NFYB: variants seen among roughly 807,000 people sequenced by gnomAD.
NFYB encodes the protein CAAT box DNA-binding protein subunit B.
A neutral mutation model predicts 28.0 loss-of-function variants in NFYB; 13 were observed. That is an observed-to-expected ratio of 0.46 (90% CI 0.30 to 0.74). The LOEUF (loss-of-function observed/expected upper bound fraction) is 0.74. Among genes scored for constraint, NFYB ranks in the 30% least tolerant of loss-of-function variants. The pLI is 0.07. For missense variants in NFYB, 142 were observed against 247.6 expected (o/e 0.57, Z 2.86); for synonymous variants, 74 against 75.0 (o/e 0.99, Z 0.07).
In NFYB at chr12:104,128,465, T is replaced by C; in HGVS notation, c.59A>G (p.Asp20Gly). 6.2e-7 allele frequency: 1 copy of C among 1,612,882 alleles called. No individual in the cohort carries two copies. The highest frequency in any genetic ancestry group is 1.7e-4 in the Middle Eastern group (1 of 6,040). ...TDASQLGISA[D>G]YIGGSHYVIQ... ...AACATAATGACTTCCTCCAATATAG[T>C]CTGCAGAGATTCCTAGTTGAGAAGC... The change falls in exon 3 of 8, where the codon GAC (aspartate) becomes GGC (glycine). Residue 20 changes from aspartate to glycine, a missense_variant. Coordinates refer to ENST00000240055, the MANE Select transcript of NFYB (RefSeq NM_006166.4).
In NFYB at chr12:104,124,640, T is replaced by C. The variant is rs370661624; in HGVS notation, c.232-1217A>G. Among the ~76,000 whole-genome samples, 10 of 152,232 alleles carry C rather than the reference T, an allele frequency of 6.6e-5. 1 individual carries two copies. The East Asian group carries it at 1.2e-3, about 18-fold the overall frequency. ...TAGCCAAATTCTTACCATTTAAACA[T>C]AGAATCAATTTTTAAATGAGAAATT... On this transcript the variant is annotated intron_variant, in intron 4 of 7. Transcript: ENST00000240055.
At chr12:104,136,722 A>G (rs1205135005) in intron 1 of NFYB, among the ~76,000 whole-genome samples, 1 of 152,166 alleles carries the variant, frequency 6.6e-6, no homozygotes, top group Non-Finnish European at 1.5e-5. Context: ...GATTCAGTAT[A>G]TATTTAGACT....
intron 3 of NFYB, among the ~76,000 whole-genome samples, chr12:104,127,694 G>T (rs1327787472): frequency 7.2e-6 from 1 of 138,476 alleles, no homozygotes; most frequent in Non-Finnish European, 1.5e-5. Context: ...TGGAGACAGG[G>T]TCTCACTTTG....
intron 5 of NFYB, among the ~76,000 whole-genome samples, chr12:104,122,365 A>T (rs2030509688): frequency 6.6e-6 from 1 of 152,198 alleles, no homozygotes; most frequent in Admixed American, 6.5e-5. Context: ...TAATAAACAA[A>T]GGGAAAAAGA....
At chr12:104,126,013 G>GA in intron 4 of NFYB, 101 bp downstream of exon 4, 6 of 1,227,668 alleles carry the variant, frequency 4.9e-6, no homozygotes, top group Non-Finnish European at 5.5e-6. Context: ...CTGAAAGCCT[G>GA]AATGATTGAA....
intron 2 of NFYB, chr12:104,131,042 G>A (rs1163451401): frequency 2.0e-5 from 3 of 152,080 alleles, no homozygotes; most frequent in Non-Finnish European, 4.4e-5. Flanking sequence ...ATAACCAGGC[G>A]GATCTGGGAG....
At chr12:104,128,991 T>C (rs1437756328) in intron 2 of NFYB, among the ~76,000 whole-genome samples, 3 of 152,152 alleles carry the variant, frequency 2.0e-5, no homozygotes, top group African/African-American at 7.2e-5. Flanking sequence ...TTGGAAACTT[T>C]CCCACAATTT....
chr12:104,125,809 T>C (rs949970517), intron 4 of NFYB, among the ~76,000 whole-genome samples: 5 of 138,112 alleles, frequency 3.6e-5, no homozygotes, highest in Non-Finnish European at 7.7e-5. Flanking sequence ...GATTGTACCA[T>C]TGCACTCCAG....
chr12:104,120,053 T>TA (rs1013070291), intron 7 of NFYB, among the ~76,000 whole-genome samples: 14 of 149,420 alleles, frequency 9.4e-5, no homozygotes, highest in South Asian at 8.5e-4. Context: ...ATAGATATAA[T>TA]AAAAAAAAAA....
At chr12:104,137,225 T>C (rs1471388960) in intron 1 of NFYB, among the ~76,000 whole-genome samples, 1 of 152,206 alleles carries the variant, frequency 6.6e-6, no homozygotes, top group Non-Finnish European at 1.5e-5. Flanking sequence ...TAAATTATCC[T>C]GTTAGAGTGC....
chr12:104,126,952 A>C (rs2030739640), intron 3 of NFYB, among the ~76,000 whole-genome samples: 1 of 152,246 alleles, frequency 6.6e-6, no homozygotes, highest in Non-Finnish European at 1.5e-5. Context: ...TTGGCTTACT[A>C]ATGTAACTAG....
At chr12:104,123,191 A>AAG in intron 5 of NFYB, 35 bp downstream of exon 5, 2 of 1,330,202 alleles carry the variant, frequency 1.5e-6, no homozygotes, top group Non-Finnish European at 2.1e-6. Flanking sequence ...AAAAAAGAAG[A>AAG]AAAAAAAAAG....
chr12:104,119,876 T>C, intron 7 of NFYB, 107 bp from the exon 8 acceptor site: 1 of 684,412 alleles, frequency 1.5e-6, no homozygotes, highest in South Asian at 1.9e-5. Context: ...ACAAGTCTAA[T>C]TCCCATTTCT....
At chr12:104,133,825 AAC>A (rs1565827884) in intron 2 of NFYB, among the ~76,000 whole-genome samples, 2 of 152,116 alleles carry the variant, frequency 1.3e-5, no homozygotes, top group Non-Finnish European at 2.9e-5. Flanking sequence ...CTCTTCCTTA[AAC>A]ATGCTTAGTC....
chr12:104,130,019 T>C (rs2030864625), intron 2 of NFYB, among the ~76,000 whole-genome samples: 1 of 152,202 alleles, frequency 6.6e-6, no homozygotes, highest in Admixed American at 6.5e-5. Context: ...AGAGGGAAAG[T>C]CTGGAAAAAA....
intron 2 of NFYB, 77 bp from the exon 3 acceptor site, chr12:104,128,594 C>A: frequency 1.1e-6 from 1 of 902,826 alleles, no homozygotes; most frequent in South Asian, 1.5e-5. Flanking sequence ...TATAAACTGT[C>A]ACAGGATGAT....
chr12:104,128,459 A>G lies in NFYB; in HGVS notation c.65T>C (p.Ile22Thr), dbSNP rs769209392. 25 of 1,612,596 alleles carry G rather than the reference A, an allele frequency of 1.6e-5. No individual in the cohort carries two copies. Among genetic ancestry groups the G allele is most frequent in the Middle Eastern group, 3.3e-4 (2 of 6,038 alleles). Reference sequence around the variant, plus strand: ...CTGTATAACATAATGACTTCCTCCAATATAGTCTGCAGAGATTCCTAGTTG... The same window carrying G: ...CTGTATAACATAATGACTTCCTCCAGTATAGTCTGCAGAGATTCCTAGTTG... ...ASQLGISADYIGGSHYVIQPH... is the reference protein window; with the variant it reads ...ASQLGISADYTGGSHYVIQPH... Residue 22 changes from isoleucine to threonine, a missense_variant, in exon 3 of 8, where the codon ATT (isoleucine) becomes ACT (threonine). By Grantham distance (89) the Ile-to-Thr change is moderately conservative. Coordinates refer to ENST00000240055, the MANE Select transcript of NFYB (RefSeq NM_006166.4).
Position 104,119,083 on chromosome 12 carries a change from G to A in NFYB, c.*654C>T, listed in dbSNP as rs1017078367. On this transcript the variant is annotated 3_prime_UTR_variant, in exon 8 of 8. Transcript: ENST00000240055. ...CTAAAACTACATTAACAGGCACGATGAACAGTGTAAACACTGTTAATGGGC... is the reference window on the plus strand; with the variant it reads ...CTAAAACTACATTAACAGGCACGATAAACAGTGTAAACACTGTTAATGGGC... 6.6e-6 allele frequency: 1 copy of A among 152,472 alleles called. No homozygotes were observed. Among genetic ancestry groups the A allele is most frequent in the Non-Finnish European group, 1.5e-5 (1 of 68,034 alleles). 9.4% of individuals were successfully genotyped at this position (152,472 alleles called of 1,614,324 possible). A position where few individuals can be genotyped will look rare whatever the true frequency, so the allele number is the denominator to read the frequency against.
rs142097089 is a variant in NFYB, at chr12:104,118,025, T to A, written c.*1712A>T. The A allele has an allele frequency of 3.9e-5, 6 of 152,290 alleles. No homozygotes were observed. The highest frequency in any genetic ancestry group is 1.2e-4 in the African/African-American group (5 of 41,546). 9.4% of individuals were successfully genotyped at this position (152,290 alleles called of 1,614,324 possible). ...TCAAAATATCCAATAGAAGATTAAA[T>A]GAATTATGATTGAGTCATACAGCAG... is the stretch of plus-strand genomic sequence containing the variant. On this transcript the variant is annotated 3_prime_UTR_variant, in exon 8 of 8. Transcript: ENST00000240055.
Sources: gnomAD v4.1 joint callset for allele counts (sites outside exome capture counted in the v4.1 genomes callset) on GRCh38, gnomAD v4.1.1 for gene constraint, MANE v1.5 for transcripts, NCBI Gene and HGNC (gene_info 2026-07-23, HGNC 2026-07-21) for gene names.